The following TPO variants were observed in gnomAD, a reference collection of about 807,000 sequenced individuals.
The protein encoded by TPO is thyroid microsomal antigen.
Under a neutral mutation model 96.9 loss-of-function variants are expected in TPO, and 78 were observed. The observed-to-expected ratio is 0.81, with a 90% CI of 0.67 to 0.97. The LOEUF is 0.97. Ranked by LOEUF, TPO falls within the 50% of genes least tolerant of loss-of-function variation. The pLI, the probability that TPO is intolerant of heterozygous loss-of-function variation, is 0.00. For missense variants in TPO, 1,252 were observed against 1,274.8 expected (o/e 0.98, Z 0.27); for synonymous variants, 547 against 538.0 (o/e 1.02, Z -0.23).
intron 8 of TPO, chr2:1,478,397 C>T (rs1028912380): frequency 1.0e-6 from 1 of 984,784 alleles, no homozygotes; most frequent in Non-Finnish European, 1.2e-6. Context: ...TAGCCGGGAG[C>T]CTGCAGGGAG....
chr2:1,458,133 T>C (rs1668038036), intron 7 of TPO, among the ~76,000 whole-genome samples: 1 of 151,934 alleles, frequency 6.6e-6, no homozygotes, highest in African/African-American at 2.4e-5. Flanking sequence ...GGCACGTGTG[T>C]ATATGGTATA....
chr2:1,431,907 G>T (rs567641092), intron 3 of TPO, among the ~76,000 whole-genome samples: 2 of 152,342 alleles, frequency 1.3e-5, no homozygotes, highest in East Asian at 1.9e-4. Flanking sequence ...AGGGAAGGAG[G>T]TTCTCCTGCC....
intron 1 of TPO, among the ~76,000 whole-genome samples, chr2:1,381,990 G>C (rs1661817698): frequency 6.6e-6 from 1 of 152,180 alleles, no homozygotes; most frequent in Admixed American, 6.5e-5. Flanking sequence ...GCTTTCATGA[G>C]GATGGGAAGA....
chr2:1,497,338 G>A (rs1454308853), intron 13 of TPO, among the ~76,000 whole-genome samples: 2 of 152,218 alleles, frequency 1.3e-5, no homozygotes, highest in African/African-American at 4.8e-5. Context: ...CCTCCCATGT[G>A]CTGGCTTGAG....
intron 15 of TPO, among the ~76,000 whole-genome samples, chr2:1,525,733 A>C (rs1386210035): frequency 2.4e-5 from 3 of 125,522 alleles, no homozygotes; most frequent in African/African-American, 9.3e-5. Flanking sequence ...CCCACTCTGC[A>C]AACTCCCCAA....
At chr2:1,402,959 G>C (rs1460675581) in intron 1 of TPO, among the ~76,000 whole-genome samples, 1 of 152,106 alleles carries the variant, frequency 6.6e-6, no homozygotes, top group Non-Finnish European at 1.5e-5. Context: ...CTTCATTTCC[G>C]GCATCCTCAT....
rs1250868419 is a variant in TPO, at chr2:1,484,793, C to T, written c.1536C>T (p.Pro512=). The change falls in exon 9 of 17, where the codon CCC becomes CCT. Residue 512 remains proline, a synonymous_variant. Transcript: ENST00000329066. ...RRLDASFQEH[P]DLPGLWLHQA... ...TGGACGCCAGCTTCCAGGAGCACCC[C>T]GACCTGCCCGGGCTGTGGCTGCACC... 1.4e-5 allele frequency: 23 copies of T among 1,613,936 alleles called. No homozygotes were observed. The highest frequency in any genetic ancestry group is 1.7e-5 in the Non-Finnish European group (20 of 1,180,040).
At chr2:1,410,940 G>A (rs1022386682), upstream of TPO, among the ~76,000 whole-genome samples, 5 of 152,114 alleles carry the variant, frequency 3.3e-5, no homozygotes, top group East Asian at 1.9e-4. Flanking sequence ...GGGTGGCCAC[G>A]TCTTCCCAAT....
intron 15 of TPO, among the ~76,000 whole-genome samples, chr2:1,521,101 T>G (rs1174123040): frequency 6.6e-6 from 1 of 152,200 alleles, no homozygotes; most frequent in African/African-American, 2.4e-5. Flanking sequence ...TTTTGCTGTT[T>G]TCAGTTGTAT....
At chr2:1,405,849 A>G (rs997142475) in intron 1 of TPO, among the ~76,000 whole-genome samples, 1 of 152,230 alleles carries the variant, frequency 6.6e-6, no homozygotes, top group African/African-American at 2.4e-5. Flanking sequence ...AATATGAGTC[A>G]TTTATTTTAC....
intron 10 of TPO, 106 bp downstream of exon 10, chr2:1,488,097 C>G: frequency 2.0e-6 from 3 of 1,522,216 alleles, no homozygotes; most frequent in Non-Finnish European, 2.7e-6. Flanking sequence ...AATCACAAAT[C>G]TGAGGCCTTC....
chr2:1,469,276 G>A (rs970782416), intron 7 of TPO, among the ~76,000 whole-genome samples: 3 of 152,154 alleles, frequency 2.0e-5, no homozygotes, highest in Non-Finnish European at 4.4e-5. Flanking sequence ...GGGTGTTAAA[G>A]AGCCTTATTT....
intron 7 of TPO, among the ~76,000 whole-genome samples, chr2:1,466,668 T>C (rs1388961510): frequency 6.6e-6 from 1 of 152,226 alleles, no homozygotes; most frequent in Admixed American, 6.5e-5. Context: ...TTGATGTGCA[T>C]AAAGCTGTTC....
chr2:1,495,715 C>T (rs1052825591), intron 11 of TPO, among the ~76,000 whole-genome samples: 5 of 152,152 alleles, frequency 3.3e-5, no homozygotes, highest in Non-Finnish European at 5.9e-5. Flanking sequence ...TGAGTGGTCC[C>T]GGGTGCTCAG....
rs949334974 is a variant in TPO, at chr2:1,495,869, G to C, written c.2007-120G>C. 5 of 1,154,582 alleles carry C rather than the reference G, an allele frequency of 4.3e-6. No homozygotes were observed. The East Asian group carries it at 1.3e-4, about 30-fold the overall frequency. The allele number at this position is 1,154,582 out of a possible 1,614,324, so 71.5% of individuals were successfully genotyped here. On this transcript the variant is annotated intron_variant, in intron 11 of 16. Transcript: ENST00000329066. ...CACCTGTGTGGCCCCGGGTGCTGGG[G>C]GTCTGGGCAGACGCCGCAGGAGAGG...
intron 7 of TPO, among the ~76,000 whole-genome samples, chr2:1,471,792 C>G (rs558764399): frequency 6.6e-6 from 1 of 152,164 alleles, no homozygotes; most frequent in South Asian, 2.1e-4. Context: ...ATAGTGGGCT[C>G]AAAGGGATTC....
In TPO at chr2:1,504,059, A is replaced by C; in HGVS notation, c.2498A>C (p.Asp833Ala). ...TGCGCGGACCCCTACGAGTTAGGAG[A>C]CGATGGGAGAACCTGCGTAGGTGAG... ...CLCADPYELG[D>A]DGRTCVDSGR... The change falls in exon 14 of 17, where the codon GAC (aspartate) becomes GCC (alanine). Residue 833 changes from aspartate (D) to alanine (A), a missense_variant. Transcript: ENST00000329066. The C allele has an allele frequency of 6.2e-7, 1 of 1,614,118 alleles. No homozygotes were observed. Among genetic ancestry groups the C allele is most frequent in the Non-Finnish European group, 8.5e-7 (1 of 1,180,022 alleles).
intron 9 of TPO, 110 bp from the exon 10 acceptor site, chr2:1,487,711 G>A (rs953668802): frequency 1.4e-6 from 2 of 1,425,288 alleles, no homozygotes; most frequent in Non-Finnish European, 1.9e-6. Context: ...CTCCAGCCTG[G>A]GCAACAGAAA....
At chr2:1,524,110 G>A (rs1287327259) in intron 15 of TPO, among the ~76,000 whole-genome samples, 2 of 102,516 alleles carry the variant, frequency 2.0e-5, no homozygotes, top group Middle Eastern at 6.9e-3. Context: ...CCCCCACTCC[G>A]TGCAACCTCC....
Sources: allele counts gnomAD v4.1 joint callset (sites outside exome capture counted in the v4.1 genomes callset), GRCh38; gene constraint gnomAD v4.1.1; transcripts MANE v1.5; gene names NCBI Gene and HGNC (gene_info 2026-07-23, HGNC 2026-07-21).